The following CAMTA1 variants were observed in gnomAD, a reference collection of about 807,000 sequenced individuals.
CAMTA1 encodes calmodulin-binding transcription activator 1.
Under a neutral mutation model 170.9 loss-of-function variants are expected in CAMTA1, and 27 were observed. That is an observed-to-expected ratio of 0.16 (90% CI 0.12 to 0.22). CAMTA1 has a LOEUF of 0.22. Among genes scored for constraint, CAMTA1 ranks in the 10% least tolerant of loss-of-function variants. The pLI, the probability that CAMTA1 is intolerant of heterozygous loss-of-function variation, is 1.00. For missense variants in CAMTA1, 1,619 were observed against 2,217.2 expected (o/e 0.73, Z 5.42); for synonymous variants, 833 against 891.5 (o/e 0.93, Z 1.17).
At chr1:6,990,821 T>TTA (rs1341196590) in intron 3 of CAMTA1, among the ~76,000 whole-genome samples, 2 of 141,380 alleles carry the variant, frequency 1.4e-5, no homozygotes, top group East Asian at 2.0e-4. Flanking sequence ...ATATATATAT[T>TTA]TATATATATA....
At chr1:6,877,182 A>G (rs1282282382) in intron 3 of CAMTA1, among the ~76,000 whole-genome samples, 1 of 152,224 alleles carries the variant, frequency 6.6e-6, no homozygotes, top group Non-Finnish European at 1.5e-5. Flanking sequence ...AGTCAAAGTA[A>G]TCATCCTTCT....
chr1:7,629,360 C>G (rs1028124635), intron 6 of CAMTA1, among the ~76,000 whole-genome samples: 2 of 152,196 alleles, frequency 1.3e-5, no homozygotes, highest in Non-Finnish European at 2.9e-5. Flanking sequence ...CCCAGCATCC[C>G]GATCTCTTGC....
At chr1:7,511,669 G>A (rs963851748) in intron 6 of CAMTA1, among the ~76,000 whole-genome samples, 4 of 152,152 alleles carry the variant, frequency 2.6e-5, no homozygotes, top group African/African-American at 9.7e-5. Context: ...CCCCACCAGA[G>A]GCAGTTTCTC....
At chr1:7,573,688 T>G (rs1284549066) in intron 6 of CAMTA1, among the ~76,000 whole-genome samples, 2 of 152,230 alleles carry the variant, frequency 1.3e-5, no homozygotes, top group Non-Finnish European at 2.9e-5. Context: ...GCCTTCTCCC[T>G]GGGTGCCTCT....
rs190282656 is a variant in CAMTA1, at chr1:7,594,823, G to A, written c.511-45577G>A. On this transcript the variant is annotated intron_variant, in intron 6 of 22. Coordinates refer to ENST00000303635, the MANE Select transcript of CAMTA1 (RefSeq NM_015215.4). ...TTGTCCTCAGAAAGGGAGGCCCAGC[G>A]GGGAACAGGCGGGATGAAGAGCTCC... Among the ~76,000 whole-genome samples, 8 of 152,340 alleles carry A rather than the reference G, an allele frequency of 5.3e-5. No homozygotes were observed. The East Asian group carries it at 7.7e-4, about 15-fold the overall frequency.
chr1:7,766,576 A>AAC lies in CAMTA1; in HGVS notation c.*92_*93dup. On this transcript the variant is annotated 3_prime_UTR_variant, in exon 23 of 23. Transcript: ENST00000303635. ...GTTTTTAGCAGAGACATGCAACAAC[A>AAC]ACACACACGCACACACGCACACACA... is the stretch of plus-strand genomic sequence containing the variant. 1 of 1,219,762 alleles carries AAC rather than the reference A, an allele frequency of 8.2e-7. No homozygotes were observed. Among genetic ancestry groups the AAC allele is most frequent in the Non-Finnish European group, 1.2e-6 (1 of 822,712 alleles). 75.6% of individuals were successfully genotyped at this position (1,219,762 alleles called of 1,614,324 possible). A position where few individuals can be genotyped will look rare whatever the true frequency, so the allele number is the denominator to read the frequency against.
At chr1:7,066,869 C>T (rs1442617724) in intron 3 of CAMTA1, among the ~76,000 whole-genome samples, 1 of 152,186 alleles carries the variant, frequency 6.6e-6, no homozygotes, top group African/African-American at 2.4e-5. Context: ...ATCATAGGCT[C>T]AGTTTAGAGG....
At chr1:7,115,874 A>G (rs982475593) in intron 4 of CAMTA1, among the ~76,000 whole-genome samples, 2 of 152,126 alleles carry the variant, frequency 1.3e-5, no homozygotes, top group Non-Finnish European at 2.9e-5. Context: ...TATTTGTTCT[A>G]TTCAGGTCTC....
rs770724361 is a variant in CAMTA1 at position 6,911,568 on chromosome 1, A to G, written c.234+86358A>G. 9.6e-4 allele frequency among the ~76,000 whole-genome samples: 146 copies of G among 152,092 alleles called. 2 individuals carry two copies. Among genetic ancestry groups the G allele is most frequent in the Non-Finnish European group, 3.2e-4 (22 of 68,020 alleles). On this transcript the variant is annotated intron_variant, in intron 3 of 22. Coordinates refer to ENST00000303635, the MANE Select transcript of CAMTA1 (RefSeq NM_015215.4). ...CTTCATGTTTGAGCCATCTCTGTAA[A>G]TGATCTTCATGTTTGAGCCATCTCT...
At chr1:6,886,101 T>G (rs1185501724) in intron 3 of CAMTA1, 1 of 398,200 alleles carries the variant, frequency 2.5e-6, no homozygotes, top group Non-Finnish European at 5.0e-6. Context: ...TTGTTTTCCT[T>G]GAGCCCACCA....
intron 3 of CAMTA1, among the ~76,000 whole-genome samples, chr1:6,973,705 T>G (rs1692927757): frequency 6.6e-6 from 1 of 152,212 alleles, no homozygotes; most frequent in African/African-American, 2.4e-5. Flanking sequence ...CTGAACCTCT[T>G]TGGTTTTGTC....
intron 5 of CAMTA1, among the ~76,000 whole-genome samples, chr1:7,255,217 T>C (rs570221445): frequency 9.9e-5 from 15 of 152,212 alleles, no homozygotes; most frequent in Non-Finnish European, 2.1e-4. Context: ...AGCGAACCAC[T>C]GTGGCGCGTG....
In CAMTA1 at chr1:7,310,700, CTCTTTCTTTCTT is replaced by C. The variant is rs71571885; in HGVS notation, c.438+61108_438+61119del. 2.1e-4 allele frequency among the ~76,000 whole-genome samples: 11 copies of C among 53,490 alleles called. 1 individual carries two copies. The highest frequency in any genetic ancestry group is 5.1e-4 in the South Asian group (1 of 1,972). 35.1% of individuals were successfully genotyped at this position (53,490 alleles called of 152,430 possible). ...TCTTTCTCTCTCTCTCTCTCTCTCTCTCTTTCTTTCTTTCTTTCTTTCTTTCTTTCTTTCTTT... is the reference window on the plus strand; with the variant it reads ...TCTTTCTCTCTCTCTCTCTCTCTCTCTCTTTCTTTCTTTCTTTCTTTCTTT... On this transcript the variant is annotated intron_variant, in intron 5 of 22. Coordinates refer to ENST00000303635, the MANE Select transcript of CAMTA1 (RefSeq NM_015215.4).
intron 5 of CAMTA1, among the ~76,000 whole-genome samples, chr1:7,315,117 T>C (rs1282205071): frequency 6.6e-6 from 1 of 152,210 alleles, no homozygotes; most frequent in African/African-American, 2.4e-5. Context: ...TCAATTTCAT[T>C]GCCCCTTCTC....
intron 6 of CAMTA1, among the ~76,000 whole-genome samples, chr1:7,579,958 A>G (rs1013865833): frequency 6.6e-6 from 1 of 152,242 alleles, no homozygotes; most frequent in Non-Finnish European, 1.5e-5. Flanking sequence ...CGTGGCACCC[A>G]AGTGACATTC....
In CAMTA1 at chr1:7,641,777, C is replaced by T. The variant is rs1558043336; in HGVS notation, c.664+1224C>T. Among the ~76,000 whole-genome samples the T allele has an allele frequency of 6.6e-6, 1 of 152,134 alleles. No homozygotes were observed. Among genetic ancestry groups the T allele is most frequent in the Admixed American group, 6.5e-5 (1 of 15,288 alleles). ...GGTTTGGACCAGGCTTGCCTCAGTG[C>T]TTCTGCCTGGAACCTCGAGGCAGGC... On this transcript the variant is annotated intron_variant, in intron 7 of 22. Transcript: ENST00000303635. The surrounding 1 kb of genome is among the most constrained non-coding windows in gnomAD (Gnocchi z 4.5).
chr1:7,621,067 A>G (rs2095594900), intron 6 of CAMTA1, among the ~76,000 whole-genome samples: 1 of 152,194 alleles, frequency 6.6e-6, no homozygotes, highest in Admixed American at 6.5e-5. Context: ...GTTCCGTCCA[A>G]TGCTGGGAAG....
At chr1:7,537,163 C>T (rs1425841360) in intron 6 of CAMTA1, among the ~76,000 whole-genome samples, 2 of 152,174 alleles carry the variant, frequency 1.3e-5, no homozygotes, top group Non-Finnish European at 2.9e-5. Context: ...AGGCATGTGG[C>T]CTAAGCAGGA....
chr1:7,217,106 G>T (rs1659876670), intron 4 of CAMTA1, among the ~76,000 whole-genome samples: 2 of 152,160 alleles, frequency 1.3e-5, no homozygotes. Flanking sequence ...ATCCCCATGT[G>T]TCAAGGGTGG....
Sources: allele counts gnomAD v4.1 joint callset (sites outside exome capture counted in the v4.1 genomes callset), GRCh38; gene constraint gnomAD v4.1.1; non-coding constraint Gnocchi (gnomAD v3.1); transcripts MANE v1.5; gene names NCBI Gene and HGNC (gene_info 2026-07-23, HGNC 2026-07-21).